Variants in LOC128092252 observed in about 807,000 individuals in gnomAD.
At chr15:50,679,540 T>A in the LOC128092252 span, among the ~76,000 whole-genome samples, 91 of 49,454 alleles carry the variant, frequency 1.8e-3, 1 homozygote, top group East Asian at 4.6e-3. Context: ...ATATATATAT[T>A]TTTTTTTTTT....
At chr15:50,672,430 G>C in the LOC128092252 span, among the ~76,000 whole-genome samples, 2 of 151,598 alleles carry the variant, frequency 1.3e-5, no homozygotes, top group African/African-American at 4.8e-5. Context: ...AGAAGGCACT[G>C]TTATCATAGA....
chr15:50,665,227 G>A, the LOC128092252 span, among the ~76,000 whole-genome samples: 9 of 151,824 alleles, frequency 5.9e-5, no homozygotes, highest in South Asian at 6.3e-4. Context: ...GGTGAAACCC[G>A]TCTCTACTAA....
chr15:50,658,253 C>T, the LOC128092252 span, among the ~76,000 whole-genome samples: 1 of 152,052 alleles, frequency 6.6e-6, no homozygotes, highest in Non-Finnish European at 1.5e-5. Context: ...GATCCACCTG[C>T]CTCGGCCTCC....
chr15:50,675,507 C>T, the LOC128092252 span, among the ~76,000 whole-genome samples: 1 of 152,134 alleles, frequency 6.6e-6, no homozygotes, highest in Non-Finnish European at 1.5e-5. Flanking sequence ...ACTTGTTACA[C>T]AGGAATCGGC....
At chr15:50,666,970 G>A in the LOC128092252 span, among the ~76,000 whole-genome samples, 16 of 152,210 alleles carry the variant, frequency 1.1e-4, no homozygotes, top group African/African-American at 3.9e-4. Context: ...TTTACTGTAT[G>A]GATTCGCCTC....
At chr15:50,663,003 C>A in the LOC128092252 span, 1 of 1,613,830 alleles carries the variant, frequency 6.2e-7, no homozygotes, top group Non-Finnish European at 8.5e-7. Flanking sequence ...AATATATACA[C>A]ATTCCCTCTT....
chr15:50,672,011 G>A, the LOC128092252 span, among the ~76,000 whole-genome samples: 4 of 152,068 alleles, frequency 2.6e-5, no homozygotes, highest in Non-Finnish European at 2.9e-5. Context: ...ACTAGACTAC[G>A]CTTTTTATGG....
the LOC128092252 span, among the ~76,000 whole-genome samples, chr15:50,662,055 T>TA: frequency 6.6e-6 from 1 of 152,010 alleles, no homozygotes; most frequent in Non-Finnish European, 1.5e-5. Flanking sequence ...CTGTTTCTAC[T>TA]AAAAATACAA....
At chr15:50,669,549 C>T in the LOC128092252 span, among the ~76,000 whole-genome samples, 1 of 152,182 alleles carries the variant, frequency 6.6e-6, no homozygotes, top group South Asian at 2.1e-4. Flanking sequence ...TATAATTATT[C>T]TTGCTGCACT....
chr15:50,675,036 T>C, the LOC128092252 span, among the ~76,000 whole-genome samples: 1 of 152,110 alleles, frequency 6.6e-6, no homozygotes, highest in African/African-American at 2.4e-5. Flanking sequence ...CATAATGACA[T>C]TAGCATGTTT....
the LOC128092252 span, among the ~76,000 whole-genome samples, chr15:50,660,372 A>G: frequency 1.3e-5 from 2 of 152,166 alleles, no homozygotes; most frequent in South Asian, 4.1e-4. Context: ...CTGTCAACTA[A>G]AAATAAATAA....
the LOC128092252 span, among the ~76,000 whole-genome samples, chr15:50,669,683 TA>T: frequency 6.6e-6 from 1 of 152,186 alleles, no homozygotes; most frequent in Admixed American, 6.5e-5. Context: ...TACCTGTCAG[TA>T]GATTCTAGTC....
the LOC128092252 span, among the ~76,000 whole-genome samples, chr15:50,654,701 G>A: frequency 6.6e-6 from 1 of 150,980 alleles, no homozygotes; most frequent in African/African-American, 2.4e-5. Flanking sequence ...TGTATGAAAT[G>A]AAAATTCACT....
chr15:50,677,558 G>C, the LOC128092252 span, among the ~76,000 whole-genome samples: 2 of 151,534 alleles, frequency 1.3e-5, no homozygotes. Flanking sequence ...GACCAACATG[G>C]TGAAACCCCA....
chr15:50,684,155 CG>C, the LOC128092252 span, among the ~76,000 whole-genome samples: 4 of 149,950 alleles, frequency 2.7e-5, no homozygotes, highest in East Asian at 5.9e-4. Context: ...CTGATTAAGT[CG>C]TTTTTTTTTT....
the LOC128092252 span, chr15:50,663,094 T>C: frequency 1.1e-5 from 15 of 1,405,912 alleles, no homozygotes; most frequent in Non-Finnish European, 1.4e-5. Context: ...ACCCACTAAA[T>C]AAGAAGGAAA....
At chr15:50,663,093 A>G in the LOC128092252 span, 2 of 1,409,804 alleles carry the variant, frequency 1.4e-6, no homozygotes, top group Non-Finnish European at 2.0e-6. Flanking sequence ...AACCCACTAA[A>G]TAAGAAGGAA....
At chr15:50,665,915 C>A in the LOC128092252 span, among the ~76,000 whole-genome samples, 2 of 152,044 alleles carry the variant, frequency 1.3e-5, no homozygotes, top group South Asian at 2.1e-4. Context: ...ACTGCTTGAA[C>A]GTGGAAGGCA....
At chr15:50,649,900 A>C in the LOC128092252 span, among the ~76,000 whole-genome samples, 1 of 152,146 alleles carries the variant, frequency 6.6e-6, no homozygotes, top group Non-Finnish European at 1.5e-5. Flanking sequence ...AGCATGTGGA[A>C]GAATAACTAC....
Sources: gnomAD v4.1 joint callset for allele counts (sites outside exome capture counted in the v4.1 genomes callset) on GRCh38, gnomAD v4.1.1 for gene constraint, MANE v1.5 for transcripts.